Variants in CADM2 observed in about 807,000 individuals in gnomAD.
CADM2 encodes cell adhesion molecule 2.
In CADM2, 12 loss-of-function variants were observed where a neutral mutation model predicts 49.8. That is an observed-to-expected ratio of 0.24 (90% confidence interval 0.15 to 0.39). CADM2 has a LOEUF of 0.39. CADM2 is among the 10% of genes least tolerant of loss of function. CADM2 has a pLI of 1.00. For missense variants in CADM2, 378 were observed against 492.3 expected (o/e 0.77, Z 2.20); for synonymous variants, 214 against 175.4 (o/e 1.22, Z -1.74).
At chr3:85,632,515 A>G (rs1003374922) in intron 1 of CADM2, among the ~76,000 whole-genome samples, 2 of 152,132 alleles carry the variant, frequency 1.3e-5, no homozygotes, top group African/African-American at 2.4e-5. Flanking sequence ...GGCTGAAATA[A>G]ACAAAGTTTT....
intron 1 of CADM2, among the ~76,000 whole-genome samples, chr3:85,319,662 G>C (rs1410980500): frequency 1.3e-5 from 2 of 152,150 alleles, no homozygotes; most frequent in African/African-American, 4.8e-5. Flanking sequence ...GTAGCTGTAG[G>C]CCATTATCCT....
At chr3:85,127,962 T>A (rs2107604126) in intron 1 of CADM2, among the ~76,000 whole-genome samples, 1 of 152,292 alleles carries the variant, frequency 6.6e-6, no homozygotes, top group South Asian at 2.1e-4. Flanking sequence ...TAAATAAAAT[T>A]AAATGGAATT....
intron 1 of CADM2, among the ~76,000 whole-genome samples, chr3:85,353,300 G>A (rs1212930594): frequency 1.3e-5 from 2 of 151,912 alleles, no homozygotes; most frequent in Non-Finnish European, 2.9e-5. Context: ...ATCACAGCGA[G>A]GCCATTTCCC....
intron 1 of CADM2, among the ~76,000 whole-genome samples, chr3:85,327,538 G>A (rs1385533261): frequency 7.0e-6 from 1 of 143,732 alleles, no homozygotes; most frequent in East Asian, 2.0e-4. Flanking sequence ...TTATAGGCAT[G>A]AGCCACCATG....
At chr3:84,999,600 C>A (rs2033354050) in intron 1 of CADM2, among the ~76,000 whole-genome samples, 1 of 152,132 alleles carries the variant, frequency 6.6e-6, no homozygotes, top group Non-Finnish European at 1.5e-5. Context: ...AAAAAGGACA[C>A]TTGTTTACAG....
chr3:85,360,966 C>A (rs1485713935), intron 1 of CADM2, among the ~76,000 whole-genome samples: 2 of 152,132 alleles, frequency 1.3e-5, no homozygotes, highest in African/African-American at 4.8e-5. Flanking sequence ...CTGCCACCTG[C>A]AGGTTTACTT....
At chr3:85,307,122 A>C (rs1344399349) in intron 1 of CADM2, among the ~76,000 whole-genome samples, 1 of 151,652 alleles carries the variant, frequency 6.6e-6, no homozygotes, top group Non-Finnish European at 1.5e-5. Flanking sequence ...TTATGTTGCA[A>C]AAAATACTTC....
chr3:85,292,104 CA>C (rs1367539368), intron 1 of CADM2, among the ~76,000 whole-genome samples: 1 of 146,466 alleles, frequency 6.8e-6, no homozygotes, highest in Non-Finnish European at 1.5e-5. Context: ...ATCTACCAAG[CA>C]AATGGAAAAC....
At chr3:85,891,028 T>A (rs937262838) in intron 5 of CADM2, among the ~76,000 whole-genome samples, 14 of 152,166 alleles carry the variant, frequency 9.2e-5, no homozygotes, top group South Asian at 4.1e-4. Context: ...GACTTTTTTT[T>A]AATAAGCTTT....
At chr3:85,237,728 A>G (rs184782737) in intron 1 of CADM2, among the ~76,000 whole-genome samples, 1 of 151,780 alleles carries the variant, frequency 6.6e-6, no homozygotes, top group Non-Finnish European at 1.5e-5. Context: ...GTTGTCTTCA[A>G]GTATCAAGGC....
chr3:85,003,084 C>A (rs2033550960), intron 1 of CADM2, among the ~76,000 whole-genome samples: 1 of 152,148 alleles, frequency 6.6e-6, no homozygotes, highest in Non-Finnish European at 1.5e-5. Context: ...GCATGAGCTA[C>A]CTCACCTGGC....
intron 1 of CADM2, among the ~76,000 whole-genome samples, chr3:85,125,291 A>C (rs2107599270): frequency 6.6e-6 from 1 of 152,366 alleles, no homozygotes; most frequent in Non-Finnish European, 1.5e-5. Context: ...GCATATTTTT[A>C]GAAAAAATTC....
intron 1 of CADM2, among the ~76,000 whole-genome samples, chr3:85,100,619 G>A (rs899323950): frequency 2.6e-5 from 4 of 152,110 alleles, no homozygotes; most frequent in Admixed American, 1.3e-4. Context: ...AAACATGGCA[G>A]AGAGTCAAAA....
chr3:85,189,624 C>A (rs910545753), intron 1 of CADM2, among the ~76,000 whole-genome samples: 2 of 152,102 alleles, frequency 1.3e-5, no homozygotes, highest in Admixed American at 6.6e-5. Context: ...CGCCAAGATA[C>A]AATAAATTTG....
At chr3:85,423,353 G>T (rs1210585647) in intron 1 of CADM2, among the ~76,000 whole-genome samples, 2 of 152,092 alleles carry the variant, frequency 1.3e-5, no homozygotes, top group African/African-American at 4.8e-5. Flanking sequence ...AGGAATGCCT[G>T]TTCTCATTTA....
intron 1 of CADM2, among the ~76,000 whole-genome samples, chr3:85,148,382 T>G (rs1476012798): frequency 2.0e-5 from 3 of 152,126 alleles, no homozygotes; most frequent in Non-Finnish European, 4.4e-5. Context: ...ATAAACAAAT[T>G]AAAAAATCTT....
chr3:85,898,454 C>G (rs1158043861), intron 5 of CADM2, among the ~76,000 whole-genome samples: 2 of 152,082 alleles, frequency 1.3e-5, no homozygotes, highest in Admixed American at 1.3e-4. Context: ...CCTTTGCCTT[C>G]TCTGCCCACT....
At chr3:85,284,971 A>C (rs1471254743) in intron 1 of CADM2, among the ~76,000 whole-genome samples, 1 of 152,138 alleles carries the variant, frequency 6.6e-6, no homozygotes, top group African/African-American at 2.4e-5. Flanking sequence ...AAATAATTCT[A>C]GAGAAACATG....
chr3:85,975,808 A>G (rs1233698723), intron 8 of CADM2, among the ~76,000 whole-genome samples: 2 of 151,576 alleles, frequency 1.3e-5, no homozygotes, highest in Non-Finnish European at 3.0e-5. Flanking sequence ...AAATATACAA[A>G]TTGAGCTGTG....
Sources: gnomAD v4.1 joint callset for allele counts (sites outside exome capture counted in the v4.1 genomes callset) on GRCh38, gnomAD v4.1.1 for gene constraint, MANE v1.5 for transcripts, NCBI Gene and HGNC (gene_info 2026-07-23, HGNC 2026-07-21) for gene names.